The following APOA1 variants were observed in gnomAD, a reference collection of about 807,000 sequenced individuals.
The protein encoded by APOA1 is apolipoprotein A1.
In APOA1, 22 loss-of-function variants were observed where a neutral mutation model predicts 25.9. That is an observed-to-expected ratio of 0.85 (90% CI 0.61 to 1.21). APOA1 has a LOEUF of 1.21. APOA1 is among the 50% of genes most tolerant of loss of function. The pLI, the probability that APOA1 is intolerant of heterozygous loss-of-function variation, is 0.00. For missense variants in APOA1, 351 were observed against 347.9 expected, an observed-to-expected ratio of 1.01 and a Z score of -0.07; for synonymous variants, 163 against 152.2, an observed-to-expected ratio of 1.07 and a Z score of -0.52.
In APOA1 at chr11:116,837,166, G is replaced by A; in HGVS notation, c.44-9C>T. ...ATGCCGAGCCTGGCTCCCTGAGGGT[G>A]GGAGGGGAGACCCAGATCAGGCCAG... On this transcript the variant is annotated splice_polypyrimidine_tract_variant and intron_variant, in intron 2 of 3. Transcript: ENST00000236850. The A allele has an allele frequency of 6.2e-7, 1 of 1,610,504 alleles. No individual in the cohort carries two copies. Among genetic ancestry groups the A allele is most frequent in the Non-Finnish European group, 8.5e-7 (1 of 1,177,854 alleles).
Position 116,836,138 on chromosome 11 carries a change from C to G in APOA1, c.474G>C (p.Leu158=). ...AELQEGARQK[L]HELQEKLSPL... is the part of the protein sequence containing the mutation. ...GGCTCAGCTTCTCTTGCAGCTCGTG[C>G]AGCTTCTGGCGCGCGCCCTCTTGGA... Residue 158 remains leucine (L), a synonymous_variant, in exon 4 of 4, where the codon CTG becomes CTC. Coordinates refer to ENST00000236850, the MANE Select transcript of APOA1 (RefSeq NM_000039.3). 6.2e-7 allele frequency: 1 copy of G among 1,613,120 alleles called. No homozygotes were observed. The highest frequency in any genetic ancestry group is 1.7e-5 in the Admixed American group (1 of 60,034).
Position 116,836,172 on chromosome 11 carries a change from C to T in APOA1, c.440G>A (p.Arg147His), listed in dbSNP as rs979198705. ...GCGCGCGCCCTCTTGGAGCTCTGCGCGCAGCGGCTCCACCTTCTGGCGGTA... is the reference window on the plus strand; with the variant it reads ...GCGCGCGCCCTCTTGGAGCTCTGCGTGCAGCGGCTCCACCTTCTGGCGGTA... ...ELYRQKVEPL[R>H]AELQEGARQK... Residue 147 changes from arginine (R) to histidine (H), a missense_variant, in exon 4 of 4, where the codon CGC (arginine) becomes CAC (histidine). Arg to His is a conservative substitution (Grantham distance 29). Coordinates refer to ENST00000236850, the MANE Select transcript of APOA1 (RefSeq NM_000039.3). 1.2e-6 allele frequency: 2 copies of T among 1,613,534 alleles called. No homozygotes were observed. Among genetic ancestry groups the T allele is most frequent in the Non-Finnish European group, 8.5e-7 (1 of 1,180,028 alleles).
intron 3 of APOA1, 124 bp downstream of exon 3, chr11:116,836,877 T>C (rs1941563209): frequency 8.6e-7 from 1 of 1,163,732 alleles, no homozygotes; most frequent in Non-Finnish European, 1.3e-6. Context: ...AGTTTCTCCA[T>C]CCAGACCATC....
At position 116,837,249 on chromosome 11, in the gene APOA1, G is replaced by A. The variant is rs1031121064; in HGVS notation, c.44-92C>T. 47 of 1,583,476 alleles carry A rather than the reference G, an allele frequency of 3.0e-5. No individual in the cohort carries two copies. The African/African-American group carries it at 6.0e-4, about 20-fold the overall frequency. On this transcript the variant is annotated intron_variant, in intron 2 of 3. Transcript: ENST00000236850. ...CTTGGAGGTGGGGGAGAGGGGGCCA[G>A]TGAGAAACCTGCTGCCTCTGCCCAG...
Position 116,836,000 on chromosome 11 carries a change from A to T in APOA1, c.612T>A (p.Ala204=). 6.2e-7 allele frequency: 1 copy of T among 1,608,570 alleles called. No homozygotes were observed. Among genetic ancestry groups the T allele is most frequent in the Non-Finnish European group, 8.5e-7 (1 of 1,179,774 alleles). The part of the protein sequence containing the change: ...LRQRLAARLE[A]LKENGGARLA... ...GTCTGGCGCCGCCGTTCTCCTTGAG[A>T]GCCTCAAGGCGCGCGGCCAAGCGCT... Residue 204 remains alanine, a synonymous_variant, in exon 4 of 4, where the codon GCT becomes GCA. Coordinates refer to ENST00000236850, the MANE Select transcript of APOA1 (RefSeq NM_000039.3).
chr11:116,837,324 C>T (rs756864773), intron 2 of APOA1, 21 bp downstream of exon 2: 2 of 1,575,358 alleles, frequency 1.3e-6, no homozygotes, highest in South Asian at 2.3e-5. Flanking sequence ...TGGTTGGCTC[C>T]CTAGGTTAGG....
At chr11:116,837,524 G>T (rs1409350408) in intron 1 of APOA1, 81 bp downstream of exon 1, 2 of 1,102,316 alleles carry the variant, frequency 1.8e-6, no homozygotes, top group Non-Finnish European at 2.7e-6. Flanking sequence ...AAGACCTCAG[G>T]TACCCAGAGG....
rs147246779 is a variant in APOA1 at position 116,837,113 on chromosome 11, T to C, written c.88A>G (p.Ser30Gly). 1.2e-6 allele frequency: 2 copies of C among 1,613,782 alleles called. No homozygotes were observed. The highest frequency in any genetic ancestry group is 1.7e-6 in the Non-Finnish European group (2 of 1,179,820). ...AGGTCCTTCACTCGATCCCAGGGGC[T>C]CTGGGGGGGTTCATCTTGCTGCCAG... Reference protein sequence around the residue: ...HFWQQDEPPQSPWDRVKDLAT... With the variant: ...HFWQQDEPPQGPWDRVKDLAT... Residue 30 changes from serine (S) to glycine (G), a missense_variant, in exon 3 of 4, where the codon AGC (serine) becomes GGC (glycine). Ser to Gly is a moderately conservative substitution (Grantham distance 56). Coordinates refer to ENST00000236850, the MANE Select transcript of APOA1 (RefSeq NM_000039.3).
In APOA1 at chr11:116,835,898, G is replaced by T. The variant is rs1238247949; in HGVS notation, c.714C>A (p.Leu238=). ...CCAGCACGGGCAGCAGGCCTTGGCGGAGGTCCTCGAGCGCGGGCTTGGCCT... is the reference window on the plus strand; with the variant it reads ...CCAGCACGGGCAGCAGGCCTTGGCGTAGGTCCTCGAGCGCGGGCTTGGCCT... ...SEKAKPALED[L]RQGLLPVLES... The change falls in exon 4 of 4, where the codon CTC becomes CTA. Residue 238 remains leucine, a synonymous_variant. Coordinates refer to ENST00000236850, the MANE Select transcript of APOA1 (RefSeq NM_000039.3). 1 of 1,613,258 alleles carries T rather than the reference G, an allele frequency of 6.2e-7. No individual in the cohort carries two copies. Among genetic ancestry groups the T allele is most frequent in the East Asian group, 2.2e-5 (1 of 44,872 alleles).
rs1480675909 is a variant in APOA1, at chr11:116,837,034, T to C, written c.167A>G (p.Gln56Arg). 1 of 1,614,212 alleles carries C rather than the reference T, an allele frequency of 6.2e-7. No homozygotes were observed. Among genetic ancestry groups the C allele is most frequent in the South Asian group, 1.1e-5 (1 of 91,086 alleles). Residue 56 changes from glutamine to arginine, a missense_variant, in exon 3 of 4, where the codon CAG (glutamine) becomes CGG (arginine). Coordinates refer to ENST00000236850, the MANE Select transcript of APOA1 (RefSeq NM_000039.3). ...LKDSGRDYVS[Q>R]FEGSALGKQL... ...TTTTCCCAAGGCGGAGCCTTCAAAC[T>C]GGGACACATAGTCTCTGCCGCTGTC...
At chr11:116,837,211 C>A in intron 2 of APOA1, 54 bp from the exon 3 acceptor site, 1 of 1,607,064 alleles carries the variant, frequency 6.2e-7, no homozygotes, top group Non-Finnish European at 8.5e-7. Context: ...GAGATCTGAG[C>A]CGAAAGGCCA....
rs1254205437 is a variant in APOA1 at position 116,837,116 on chromosome 11, G to T, written c.85C>A (p.Gln29Lys). Residue 29 changes from glutamine to lysine, a missense_variant, in exon 3 of 4, where the codon CAG becomes AAG. Coordinates refer to ENST00000236850, the MANE Select transcript of APOA1 (RefSeq NM_000039.3). Reference protein sequence around the residue: ...RHFWQQDEPPQSPWDRVKDLA... With the variant: ...RHFWQQDEPPKSPWDRVKDLA... ...TCCTTCACTCGATCCCAGGGGCTCT[G>T]GGGGGGTTCATCTTGCTGCCAGAAA... 1.9e-6 allele frequency: 3 copies of T among 1,613,182 alleles called. No homozygotes were observed. The highest frequency in any genetic ancestry group is 2.5e-6 in the Non-Finnish European group (3 of 1,179,544).
chr11:116,836,560 G>GC (rs1941555856), intron 3 of APOA1, 149 bp from the exon 4 acceptor site: 1 of 1,113,776 alleles, frequency 9.0e-7, no homozygotes, highest in South Asian at 1.3e-5. Context: ...GCCAGGCCAT[G>GC]CCCCGTTGTG....
Position 116,835,839 on chromosome 11 carries a change from T to C in APOA1, c.773A>G (p.Glu258Gly). ...GGTGTTGAGCTTCTTAGTGTACTCC[T>C]CGAGAGCGCTCAGGAAGCTGACCTT... Reference protein sequence around the residue: ...SFKVSFLSALEEYTKKLNTQ With the variant: ...SFKVSFLSALGEYTKKLNTQ The change falls in exon 4 of 4, where the codon GAG (glutamate) becomes GGG (glycine). Residue 258 changes from glutamate (E) to glycine (G), a missense_variant. By Grantham distance (98) the Glu-to-Gly change is moderately conservative (BLOSUM62 -2). Coordinates refer to ENST00000236850, the MANE Select transcript of APOA1 (RefSeq NM_000039.3). 1 of 1,613,106 alleles carries C rather than the reference T, an allele frequency of 6.2e-7. No individual in the cohort carries two copies. The highest frequency in any genetic ancestry group is 8.5e-7 in the Non-Finnish European group (1 of 1,180,022).
In APOA1 at chr11:116,836,208, T is replaced by G; in HGVS notation, c.404A>C (p.Glu135Ala). The G allele has an allele frequency of 6.2e-7, 1 of 1,613,902 alleles. No homozygotes were observed. Among genetic ancestry groups the G allele is most frequent in the Non-Finnish European group, 8.5e-7 (1 of 1,180,018 alleles). The change falls in exon 4 of 4, where the codon GAG becomes GCG. Residue 135 changes from glutamate (E) to alanine (A), a missense_variant. Transcript: ENST00000236850. ...LDDFQKKWQE[E>A]MELYRQKVEP... Reference sequence around the variant, plus strand: ...CACCTTCTGGCGGTAGAGCTCCATCTCCTCCTGCCACTTCTTCTGGAAGTC... The same window carrying G: ...CACCTTCTGGCGGTAGAGCTCCATCGCCTCCTGCCACTTCTTCTGGAAGTC...
rs536011950 is a variant in APOA1 at position 116,835,913 on chromosome 11, G to C, written c.699C>G (p.Pro233=). Residue 233 remains proline (P), a synonymous_variant, in exon 4 of 4, where the codon CCC becomes CCG. Transcript: ENST00000236850. ...GGCCTTGGCGGAGGTCCTCGAGCGC[G>C]GGCTTGGCCTTCTCGCTGAGCGTGC... ...HLSTLSEKAK[P]ALEDLRQGLL... The C allele has an allele frequency of 6.2e-7, 1 of 1,613,142 alleles. No homozygotes were observed. Among genetic ancestry groups the C allele is most frequent in the Non-Finnish European group, 8.5e-7 (1 of 1,180,006 alleles).
intron 3 of APOA1, 115 bp from the exon 4 acceptor site, chr11:116,836,526 A>C (rs1591330642): frequency 7.3e-7 from 1 of 1,373,558 alleles, no homozygotes; most frequent in Non-Finnish European, 1.0e-6. Context: ...TTTCCAGTAC[A>C]CTCTCAACCA....
Position 116,836,039 on chromosome 11 carries a change from G to T in APOA1, c.573C>A (p.Ser191Arg), listed in dbSNP as rs1475011060. ...DALRTHLAPY[S>R]DELRQRLAAR... ...CGGCCAAGCGCTGGCGCAGCTCGTCGCTGTAGGGGGCCAGATGCGTGCGCA... is the reference window on the plus strand; with the variant it reads ...CGGCCAAGCGCTGGCGCAGCTCGTCTCTGTAGGGGGCCAGATGCGTGCGCA... The change falls in exon 4 of 4, where the codon AGC (serine) becomes AGA (arginine). Residue 191 changes from serine (S) to arginine (R), a missense_variant. Transcript: ENST00000236850. 1.9e-6 allele frequency: 3 copies of T among 1,605,768 alleles called. No homozygotes were observed. Among genetic ancestry groups the T allele is most frequent in the Non-Finnish European group, 2.5e-6 (3 of 1,179,390 alleles).
chr11:116,837,613 C>T lies in APOA1; in HGVS notation c.-29G>A, dbSNP rs1430134542. 12 of 610,718 alleles carry T rather than the reference C, an allele frequency of 2.0e-5. No homozygotes were observed. The highest frequency in any genetic ancestry group is 5.6e-5 in the African/African-American group (3 of 53,970). The allele number at this position is 610,718 out of a possible 1,614,324, so 37.8% of individuals were successfully genotyped here. The stretch of plus-strand genomic sequence containing the variant: ...CAGGCAGCAGGACGCACCTCCTTCT[C>T]GCAGTCTCTAAGCAGCCAGCTCTTG... On this transcript the variant is annotated 5_prime_UTR_variant, in exon 1 of 4. Transcript: ENST00000236850.
Sources: allele counts gnomAD v4.1 joint callset, GRCh38; gene constraint gnomAD v4.1.1; transcripts MANE v1.5; gene names NCBI Gene and HGNC (gene_info 2026-07-23, HGNC 2026-07-21).